CHGA: variants seen among roughly 807,000 people sequenced by gnomAD.
CHGA encodes the protein chromogranin-A.
A neutral mutation model predicts 54.4 loss-of-function variants in CHGA; 41 were observed. The ratio of observed to expected loss-of-function variants is 0.75; its 90% CI spans 0.59 to 0.98. The LOEUF is 0.98. CHGA is among the 50% of genes least tolerant of loss of function. The pLI is 0.00. For synonymous variants in CHGA, 249 were observed against 232.8 expected (o/e 1.07, Z -0.63); for missense variants, 576 against 582.3 (o/e 0.99, Z 0.11).
Position 92,932,950 on chromosome 14 carries a change from C to T in CHGA, c.1290+99C>T. On this transcript the variant is annotated intron_variant, in intron 7 of 7. Transcript: ENST00000216492. This position sits in a 1 kb window ranked among gnomAD's most constrained non-coding sequence, Gnocchi z 5.3. Reference sequence around the variant, plus strand: ...CCCCTGCCCCACTGAGGGGACAGGGCCCCCCCGCCGAAGTCTGGGGATGGA... The same window carrying T: ...CCCCTGCCCCACTGAGGGGACAGGGTCCCCCCGCCGAAGTCTGGGGATGGA... The T allele has an allele frequency of 7.9e-6, 11 of 1,401,216 alleles. 1 individual carries two copies. The South Asian group carries it at 1.0e-4, about 13-fold the overall frequency. The allele number at this position is 1,401,216 out of a possible 1,614,324, so 86.8% of individuals were successfully genotyped here.
chr14:92,926,483 C>G (rs1886887805), intron 2 of CHGA, 122 bp from the exon 3 acceptor site: 1 of 737,072 alleles, frequency 1.4e-6, no homozygotes, highest in African/African-American at 1.7e-5. Context: ...AGCCAGGGAT[C>G]ATGGACTCCC....
chr14:92,931,268 C>T lies in CHGA; in HGVS notation c.374C>T (p.Ser125Leu). Reference protein sequence around the residue: ...AELKEAVEEPSSKDVMEKRED... With the variant: ...AELKEAVEEPLSKDVMEKRED... The stretch of plus-strand genomic sequence containing the variant: ...TCTGCAGAGGCGGTGGAAGAGCCAT[C>T]ATCCAAGGATGTTATGGAGAAAAGA... Residue 125 changes from serine to leucine, a missense_variant, in exon 6 of 8, where the codon TCA (serine) becomes TTA (leucine). Ser to Leu is a moderately radical substitution (Grantham distance 145). Coordinates refer to ENST00000216492, the MANE Select transcript of CHGA (RefSeq NM_001275.4). The T allele has an allele frequency of 6.2e-7, 1 of 1,610,872 alleles. No individual in the cohort carries two copies. Among genetic ancestry groups the T allele is most frequent in the South Asian group, 1.1e-5 (1 of 90,982 alleles).
rs1341698372 is a variant in CHGA, at chr14:92,926,689, C to T, written c.178C>T (p.Leu60Phe). 1 of 1,613,902 alleles carries T rather than the reference C, an allele frequency of 6.2e-7. No homozygotes were observed. The highest frequency in any genetic ancestry group is 1.3e-5 in the African/African-American group (1 of 75,034). Residue 60 changes from leucine (L) to phenylalanine (F), a missense_variant, in exon 3 of 8, where the codon CTC becomes TTC. Physicochemically the swap from Leu to Phe is conservative, Grantham distance 22. Transcript: ENST00000216492. ...TGTCAGCCAGGAATGTTTTGAGACA[C>T]TCCGAGGAGGTATGAGCTGGAGGCT... is the stretch of plus-strand genomic sequence containing the variant. ...MPVSQECFET[L>F]RGDERILSIL...
At chr14:92,924,286 T>C (rs1217089838) in intron 2 of CHGA, 41 bp downstream of exon 2, 1 of 1,591,436 alleles carries the variant, frequency 6.3e-7, no homozygotes, top group Non-Finnish European at 8.6e-7. Context: ...GAGGCTCCAG[T>C]GGACACTTCA....
upstream of CHGA, chr14:92,923,027 G>C: frequency 4.4e-6 from 1 of 226,688 alleles, no homozygotes; most frequent in Non-Finnish European, 8.6e-6. Flanking sequence ...CGAGGGGTGA[G>C]GTTAGAGGTG....
At chr14:92,922,684 C>G (rs1458348906), upstream of CHGA, among the ~76,000 whole-genome samples, 2 of 152,186 alleles carry the variant, frequency 1.3e-5, no homozygotes, top group Non-Finnish European at 2.9e-5. Flanking sequence ...GACAGGGGAT[C>G]AAAGGCCCCT....
At chr14:92,934,024 C>T (rs1887066083) in intron 7 of CHGA, among the ~76,000 whole-genome samples, 3 of 152,082 alleles carry the variant, frequency 2.0e-5, no homozygotes, top group African/African-American at 7.2e-5. Context: ...GAGTCTATTT[C>T]CACGGCCTGC....
At chr14:92,922,701 C>T (rs2139664832), upstream of CHGA, among the ~76,000 whole-genome samples, 1 of 152,338 alleles carries the variant, frequency 6.6e-6, no homozygotes, top group East Asian at 1.9e-4. Flanking sequence ...CCCTCTAGAG[C>T]CTCCTAGATA....
chr14:92,932,812 GAAGA>G lies in CHGA; in HGVS notation c.1256_1259del (p.Lys419ArgfsTer115), dbSNP rs1887038850. 2 of 1,541,536 alleles carry G rather than the reference GAAGA, an allele frequency of 1.3e-6. No individual in the cohort carries two copies. The highest frequency in any genetic ancestry group is 1.8e-6 in the Non-Finnish European group (2 of 1,142,640). Reference sequence around the variant, plus strand: ...TCCAGGTCCGAGGCTACCCCGAGGAGAAGAAAGAGGAGGAGGGCAGCGCAAACCG... The same window carrying G: ...TCCAGGTCCGAGGCTACCCCGAGGAGAAGAGGAGGAGGGCAGCGCAAACCG... On this transcript the variant is annotated frameshift_variant, in exon 7 of 8. Transcript: ENST00000216492. LOFTEE classifies it high-confidence loss of function. This position sits in a 1 kb window ranked among gnomAD's most constrained non-coding sequence, Gnocchi z 5.3.
At chr14:92,924,977 C>T (rs941584) in intron 2 of CHGA, among the ~76,000 whole-genome samples, 116,588 of 152,094 alleles carry the variant, frequency 0.77, 44,918 homozygotes, top group East Asian at 0.95. Context: ...AGAAACTATT[C>T]TCTTCCACTA....
In CHGA at chr14:92,931,477, C is replaced by T. The variant is rs1461739142; in HGVS notation, c.583C>T (p.Pro195Ser). 1.2e-6 allele frequency: 2 copies of T among 1,611,550 alleles called. No individual in the cohort carries two copies. Among genetic ancestry groups the T allele is most frequent in the South Asian group, 2.2e-5 (2 of 90,600 alleles). The change falls in exon 6 of 8, where the codon CCA (proline) becomes TCA (serine). Residue 195 changes from proline (P) to serine (S), a missense_variant. Physicochemically the swap from Pro to Ser is moderately conservative, Grantham distance 74. Coordinates refer to ENST00000216492, the MANE Select transcript of CHGA (RefSeq NM_001275.4). ...AGCCAGCCTCCCCAGCCAGAAATACCCAGGCCCACAGGCCGAGGGGGACAG... is the reference window on the plus strand; with the variant it reads ...AGCCAGCCTCCCCAGCCAGAAATACTCAGGCCCACAGGCCGAGGGGGACAG... ...PPASLPSQKY[P>S]GPQAEGDSEG...
At chr14:92,930,029 C>T (rs1166682218) in intron 5 of CHGA, among the ~76,000 whole-genome samples, 2 of 152,256 alleles carry the variant, frequency 1.3e-5, no homozygotes, top group South Asian at 2.1e-4. Flanking sequence ...TCCTGCCTCA[C>T]ACCAAAGCCC....
In CHGA at chr14:92,931,466, G is replaced by T. The variant is rs1392925761; in HGVS notation, c.572G>T (p.Ser191Ile). 1 of 1,610,918 alleles carries T rather than the reference G, an allele frequency of 6.2e-7. No individual in the cohort carries two copies. Among genetic ancestry groups the T allele is most frequent in the Non-Finnish European group, 8.5e-7 (1 of 1,179,010 alleles). Reference protein sequence around the residue: ...TNTHPPASLPSQKYPGPQAEG... With the variant: ...TNTHPPASLPIQKYPGPQAEG... ...ACCCACCCTCCAGCCAGCCTCCCCAGCCAGAAATACCCAGGCCCACAGGCC... is the reference window on the plus strand; with the variant it reads ...ACCCACCCTCCAGCCAGCCTCCCCATCCAGAAATACCCAGGCCCACAGGCC... Residue 191 changes from serine to isoleucine, a missense_variant, in exon 6 of 8, where the codon AGC (serine) becomes ATC (isoleucine). Ser to Ile is a moderately radical substitution (Grantham distance 142, BLOSUM62 -2). Coordinates refer to ENST00000216492, the MANE Select transcript of CHGA (RefSeq NM_001275.4).
rs771497770 is a variant in CHGA at position 92,931,513 on chromosome 14, T to C, written c.619T>C (p.Ser207Pro). ...GGCCGAGGGGGACAGTGAGGGCCTC[T>C]CTCAGGGTCTGGTGGACAGAGAGAA... ...PQAEGDSEGL[S>P]QGLVDREKGL... is the part of the protein sequence containing the mutation. Residue 207 changes from serine to proline, a missense_variant, in exon 6 of 8, where the codon TCT (serine) becomes CCT (proline). Ser to Pro is a moderately conservative substitution (Grantham distance 74). Transcript: ENST00000216492. The C allele has an allele frequency of 2.5e-6, 4 of 1,612,140 alleles. No homozygotes were observed. Among genetic ancestry groups the C allele is most frequent in the Non-Finnish European group, 2.5e-6 (3 of 1,179,622 alleles).
In CHGA at chr14:92,932,777, G is replaced by A. The variant is rs1887037306; in HGVS notation, c.1216G>A (p.Gly406Ser). The change falls in exon 7 of 8, where the codon GGC becomes AGC. Residue 406 changes from glycine (G) to serine (S), a missense_variant. By Grantham distance (56) the Gly-to-Ser change is moderately conservative (BLOSUM62 0). Coordinates refer to ENST00000216492, the MANE Select transcript of CHGA (RefSeq NM_001275.4). This position sits in a 1 kb window ranked among gnomAD's most constrained non-coding sequence, Gnocchi z 5.3. ...PSSREDSLEA[G>S]LPLQVRGYPE... ...CTCCCGGGAGGACAGCCTTGAGGCG[G>A]GCCTGCCCCTCCAGGTCCGAGGCTA... The A allele has an allele frequency of 6.3e-7, 1 of 1,590,462 alleles. No individual in the cohort carries two copies. Among genetic ancestry groups the A allele is most frequent in the East Asian group, 2.3e-5 (1 of 44,294 alleles).
intron 2 of CHGA, among the ~76,000 whole-genome samples, chr14:92,925,747 A>T (rs547206385): frequency 6.6e-6 from 1 of 152,104 alleles, no homozygotes; most frequent in East Asian, 1.9e-4. Context: ...GTGTTTTTCC[A>T]TCTGTACCTC....
chr14:92,927,520 A>G (rs1374686473), intron 3 of CHGA, 30 bp from the exon 4 acceptor site: 1 of 1,580,024 alleles, frequency 6.3e-7, no homozygotes, highest in Non-Finnish European at 8.7e-7. Context: ...TTCTCTGGAA[A>G]CCACCCATGA....
At chr14:92,930,711 A>T (rs1241751994) in intron 5 of CHGA, among the ~76,000 whole-genome samples, 1 of 152,242 alleles carries the variant, frequency 6.6e-6, no homozygotes, top group Non-Finnish European at 1.5e-5. Context: ...GGTGGAATGT[A>T]CTTGGGAGCA....
rs566724391 is a variant in CHGA, at chr14:92,930,558, T to C, written c.356-692T>C. Among the ~76,000 whole-genome samples, 3 of 152,280 alleles carry C rather than the reference T, an allele frequency of 2.0e-5. No individual in the cohort carries two copies. In the East Asian group the frequency reaches 5.8e-4, roughly 29 times the overall value. The stretch of plus-strand genomic sequence containing the variant: ...TGCAAAGAGATCCCGAGCTTGTCAT[T>C]TGGAGGCTTGGGTTCCAGGCTCAGC... On this transcript the variant is annotated intron_variant, in intron 5 of 7. Transcript: ENST00000216492.
Sources: gnomAD v4.1 joint callset for allele counts (sites outside exome capture counted in the v4.1 genomes callset) on GRCh38, gnomAD v4.1.1 for gene constraint, Gnocchi (gnomAD v3.1) non-coding constraint, MANE v1.5 for transcripts, NCBI Gene and HGNC (gene_info 2026-07-23, HGNC 2026-07-21) for gene names.